RERG: variants seen among roughly 807,000 people sequenced by gnomAD.
RERG encodes the protein ras-related and estrogen-regulated growth inhibitor.
A neutral mutation model predicts 23.2 loss-of-function variants in RERG; 25 were observed. That is an observed-to-expected ratio of 1.08 (90% confidence interval 0.79 to 1.50). The LOEUF (loss-of-function observed/expected upper bound fraction) is 1.50. Among genes scored for constraint, RERG ranks in the 40% most tolerant of loss-of-function variants. RERG has a pLI of 0.00. For synonymous variants in RERG, 81 were observed against 89.1 expected, an observed-to-expected ratio of 0.91 and a Z score of 0.51; for missense variants, 253 against 250.1, an observed-to-expected ratio of 1.01 and a Z score of -0.08.
chr12:15,190,754 C>A lies in RERG; in HGVS notation c.61+26675G>T, dbSNP rs527287820. 1.5e-4 allele frequency among the ~76,000 whole-genome samples: 23 copies of A among 152,236 alleles called. No individual in the cohort carries two copies. In the East Asian group the frequency reaches 4.4e-3, roughly 29 times the overall value. On this transcript the variant is annotated intron_variant, in intron 2 of 4. Transcript: ENST00000256953. Reference sequence around the variant, plus strand: ...GAGTAAGTATATTCATTTTCTGTTGCTGCATAACAAATTGCCATGAGCTTA... The same window carrying A: ...GAGTAAGTATATTCATTTTCTGTTGATGCATAACAAATTGCCATGAGCTTA...
intron 3 of RERG, among the ~76,000 whole-genome samples, chr12:15,120,699 T>G (rs977856397): frequency 3.9e-5 from 6 of 152,340 alleles, no homozygotes; most frequent in Middle Eastern, 3.4e-3. Context: ...TTTATTTTTC[T>G]GTTACTCTTC....
chr12:15,119,576 A>G (rs1213579723), intron 3 of RERG, among the ~76,000 whole-genome samples: 2 of 152,166 alleles, frequency 1.3e-5, no homozygotes, highest in Non-Finnish European at 2.9e-5. Context: ...GGGTAAAATA[A>G]TAAAGAATAA....
chr12:15,142,105 C>T (rs1187130519), intron 2 of RERG, among the ~76,000 whole-genome samples: 1 of 152,156 alleles, frequency 6.6e-6, no homozygotes, highest in Non-Finnish European at 1.5e-5. Flanking sequence ...CTGATTAATA[C>T]ATATATATTT....
chr12:15,168,971 A>G (rs1236903963), intron 2 of RERG, among the ~76,000 whole-genome samples: 2 of 152,202 alleles, frequency 1.3e-5, no homozygotes, highest in Admixed American at 1.3e-4. Context: ...GTCTGCTGAT[A>G]CACTAAAGGT....
At chr12:15,136,418 T>C (rs140867166) in intron 2 of RERG, among the ~76,000 whole-genome samples, 37 of 152,038 alleles carry the variant, frequency 2.4e-4, no homozygotes, top group African/African-American at 8.7e-4. Flanking sequence ...TTTTATTATT[T>C]CTTATCTTCT....
At chr12:15,133,987 T>C (rs1864099793) in intron 2 of RERG, among the ~76,000 whole-genome samples, 3 of 152,142 alleles carry the variant, frequency 2.0e-5, no homozygotes, top group Admixed American at 2.0e-4. Flanking sequence ...TCTTTGCATA[T>C]TTTAGATCAC....
intron 2 of RERG, among the ~76,000 whole-genome samples, chr12:15,136,066 CTTCT>C (rs1195827335): frequency 1.3e-5 from 2 of 152,032 alleles, no homozygotes; most frequent in Non-Finnish European, 2.9e-5. Flanking sequence ...ATTGATTTAA[CTTCT>C]TTAATAGGTA....
At chr12:15,214,017 TGTGTGTGTGTGTGTGTGTGTGC>T (rs1421104346) in intron 2 of RERG, among the ~76,000 whole-genome samples, 1 of 132,738 alleles carries the variant, frequency 7.5e-6, no homozygotes, top group African/African-American at 2.9e-5. Flanking sequence ...TGTGTGTGTG[TGTGTGTGTGTGTGTGTGTGTGC>T]GCGTGTGTGG....
chr12:15,198,538 T>C (rs1865175574), intron 2 of RERG, among the ~76,000 whole-genome samples: 1 of 152,164 alleles, frequency 6.6e-6, no homozygotes. Flanking sequence ...AGTATACATA[T>C]GAAATCAAAG....
chr12:15,208,503 ATTTAT>A (rs1865323284), intron 2 of RERG, among the ~76,000 whole-genome samples: 1 of 152,186 alleles, frequency 6.6e-6, no homozygotes, highest in Admixed American at 6.5e-5. Context: ...TTTTTCATTT[ATTTAT>A]TAAGTCCTAG....
In RERG at chr12:15,118,716, C is replaced by A. The variant is rs913397380; in HGVS notation, c.118+2347G>T. Among the ~76,000 whole-genome samples the A allele has an allele frequency of 7.4e-5, 11 of 148,594 alleles. No homozygotes were observed. In the East Asian group the frequency reaches 1.6e-3, roughly 21 times the overall value. On this transcript the variant is annotated intron_variant, in intron 3 of 4. Transcript: ENST00000256953. ...TTAAAGTGTCTGGCATGCCCCCCCCCACCCTCAGTCATGGTCATGCCACGT... is the reference window on the plus strand; with the variant it reads ...TTAAAGTGTCTGGCATGCCCCCCCCAACCCTCAGTCATGGTCATGCCACGT...
chr12:15,109,572 G>A (rs910954767), intron 4 of RERG, 55 bp from the exon 5 acceptor site: 12 of 1,401,806 alleles, frequency 8.6e-6, no homozygotes, highest in Non-Finnish European at 1.1e-5. Flanking sequence ...AAAATATATG[G>A]ATGCTGGTAA....
chr12:15,158,055 A>G (rs1864548875), intron 2 of RERG, among the ~76,000 whole-genome samples: 1 of 152,276 alleles, frequency 6.6e-6, no homozygotes, highest in East Asian at 1.9e-4. Flanking sequence ...TAATAAATAC[A>G]TTTTGTAGGA....
intron 2 of RERG, among the ~76,000 whole-genome samples, chr12:15,149,655 G>T (rs1324067705): frequency 6.6e-6 from 1 of 152,172 alleles, no homozygotes; most frequent in Non-Finnish European, 1.5e-5. Flanking sequence ...TCTCTCAAAA[G>T]ATCTATTGGA....
At chr12:15,125,865 A>G (rs1850752055) in intron 2 of RERG, among the ~76,000 whole-genome samples, 2 of 151,820 alleles carry the variant, frequency 1.3e-5, no homozygotes, top group South Asian at 4.1e-4. Flanking sequence ...TTACACATGT[A>G]TCTTTACTCT....
intron 2 of RERG, among the ~76,000 whole-genome samples, chr12:15,121,497 G>T (rs982061624): frequency 1.1e-4 from 16 of 152,276 alleles, no homozygotes; most frequent in Non-Finnish European, 2.2e-4. Context: ...TATTGATAAG[G>T]ATTGGCAAAG....
intron 3 of RERG, chr12:15,112,540 T>G (rs568879914): frequency 6.6e-6 from 1 of 152,042 alleles, no homozygotes; most frequent in Non-Finnish European, 1.5e-5. Context: ...CCTCTTCACA[T>G]AAAATGGAAA....
chr12:15,189,924 T>G (rs527535760), intron 2 of RERG, among the ~76,000 whole-genome samples: 49 of 152,306 alleles, frequency 3.2e-4, no homozygotes, highest in African/African-American at 1.2e-3. Flanking sequence ...CATGATTTCT[T>G]AAACTCTACA....
At chr12:15,207,782 T>C (rs1289125905) in intron 2 of RERG, among the ~76,000 whole-genome samples, 1 of 152,158 alleles carries the variant, frequency 6.6e-6, no homozygotes, top group Non-Finnish European at 1.5e-5. Flanking sequence ...ATGCTGGCTA[T>C]GTTCAATTTT....
Sources: gnomAD v4.1 joint callset for allele counts (sites outside exome capture counted in the v4.1 genomes callset) on GRCh38, gnomAD v4.1.1 for gene constraint, MANE v1.5 for transcripts, NCBI Gene and HGNC (gene_info 2026-07-23, HGNC 2026-07-21) for gene names.